Variants in DSC2 observed in about 807,000 individuals in gnomAD.
DSC2 encodes the protein desmocollin-2.
In DSC2, 51 loss-of-function variants were observed where a neutral mutation model predicts 87.6. That is an observed-to-expected ratio of 0.58 (90% CI 0.46 to 0.74). The LOEUF is 0.74. Ranked by LOEUF, DSC2 falls within the 30% of genes least tolerant of loss-of-function variation. The pLI is 0.00. For missense variants in DSC2, 1,066 were observed against 1,089.5 expected (o/e 0.98, Z 0.30); for synonymous variants, 383 against 393.2 (o/e 0.97, Z 0.31).
intron 2 of DSC2, 33 bp downstream of exon 2, chr18:31,093,526 C>T: frequency 2.6e-6 from 4 of 1,542,774 alleles, no homozygotes; most frequent in Non-Finnish European, 2.7e-6. Flanking sequence ...CACAGCAAAA[C>T]AGGATTTATT....
chr18:31,084,867 G>A (rs1312296823), intron 7 of DSC2, among the ~76,000 whole-genome samples: 1 of 152,034 alleles, frequency 6.6e-6, no homozygotes. Context: ...TGATATCAAT[G>A]GAAGTAAAGA....
At position 31,074,721 on chromosome 18, in the gene DSC2, G is replaced by A; in HGVS notation, c.1850C>T (p.Ser617Leu). 6.2e-7 allele frequency: 1 copy of A among 1,613,766 alleles called. No individual in the cohort carries two copies. The highest frequency in any genetic ancestry group is 8.5e-7 in the Non-Finnish European group (1 of 1,179,926). The change falls in exon 12 of 16, where the codon TCA (serine) becomes TTA (leucine). Residue 617 changes from serine (S) to leucine (L), a missense_variant. Transcript: ENST00000280904. ...PFDFSLESSTSEVQRMWRLKA... is the reference protein window; with the variant it reads ...PFDFSLESSTLEVQRMWRLKA... ...CAGTCTCCACATTCTCTGTACTTCT[G>A]AAGTAGAACTCTCCAGACTAAAGTC...
intron 11 of DSC2, among the ~76,000 whole-genome samples, chr18:31,078,190 T>C (rs573268998): frequency 3.0e-4 from 45 of 152,306 alleles, no homozygotes; most frequent in African/African-American, 1.1e-3. Flanking sequence ...TTAGCCAGTA[T>C]AGATTTTAGA....
At position 31,068,172 on chromosome 18, in the gene DSC2, G is replaced by GA. The variant is rs1337061240; in HGVS notation, c.2548_2549insT (p.Ala850ValfsTer9). The GA allele has an allele frequency of 4.3e-6, 7 of 1,613,882 alleles. No individual in the cohort carries two copies. The highest frequency in any genetic ancestry group is 5.9e-6 in the Non-Finnish European group (7 of 1,180,000). On this transcript the variant is annotated frameshift_variant, in exon 16 of 16. Coordinates refer to ENST00000280904, the MANE Select transcript of DSC2 (RefSeq NM_024422.6). LOFTEE classifies it high-confidence loss of function. Reference sequence around the variant, plus strand: ...GTTATATGTCAGGACATAGTCTTGGGCATGCTTGTGATTTTCATCTTGATT... The same window carrying GA: ...GTTATATGTCAGGACATAGTCTTGGGACATGCTTGTGATTTTCATCTTGATT...
chr18:31,069,255 G>A, intron 14 of DSC2, 104 bp from the exon 15 acceptor site: 1 of 1,403,642 alleles, frequency 7.1e-7, no homozygotes, highest in Non-Finnish European at 9.8e-7. Context: ...GTGTATGCTA[G>A]AAGGTAAGCT....
Position 31,071,784 on chromosome 18 carries a change from G to A in DSC2, c.1946C>T (p.Pro649Leu), listed in dbSNP as rs765948147. The change falls in exon 13 of 16, where the codon CCT becomes CTT. Residue 649 changes from proline to leucine, a missense_variant. By Grantham distance (98) the Pro-to-Leu change is moderately conservative. Transcript: ENST00000280904. ...NDPPFGSYVV[P>L]ITVRDRLGMS... ...GCCAAGTCTATCTCTCACTGTTATA[G>A]GTACTACATATGAGCCAAATGGAGG... The A allele has an allele frequency of 3.1e-6, 5 of 1,613,966 alleles. No individual in the cohort carries two copies. The highest frequency in any genetic ancestry group is 4.2e-6 in the Non-Finnish European group (5 of 1,179,964).
chr18:31,100,679 A>G (rs1987912037), intron 1 of DSC2, among the ~76,000 whole-genome samples: 1 of 152,186 alleles, frequency 6.6e-6, no homozygotes, highest in South Asian at 2.1e-4. Flanking sequence ...GTGAGAGCGG[A>G]AGAGAAGGGG....
Position 31,082,926 on chromosome 18 carries a change from A to C in DSC2, c.1077T>G (p.Ser359=), listed in dbSNP as rs1292043262. ...NDHLPTFTRT[S]YVTSVEENTV... is the part of the protein sequence containing the mutation. ...TCTTTAATTAATATCATACACTTAC[A>C]GAAGTACGAGTAAATGTTGGCAAGT... is the stretch of plus-strand genomic sequence containing the variant. The change falls in exon 8 of 16, where the codon TCT becomes TCG. Residue 359 remains serine, a splice_region_variant and synonymous_variant. Coordinates refer to ENST00000280904, the MANE Select transcript of DSC2 (RefSeq NM_024422.6). The C allele has an allele frequency of 6.2e-7, 1 of 1,613,164 alleles. No homozygotes were observed.
chr18:31,080,561 G>A (rs372100100), intron 9 of DSC2, among the ~76,000 whole-genome samples: 1 of 152,148 alleles, frequency 6.6e-6, no homozygotes, highest in East Asian at 1.9e-4. Context: ...GTTGGGGGAG[G>A]GACCTGAGGG....
rs1986532438 is a variant in DSC2, at chr18:31,063,098, G to C, written c.*4917C>G. Reference sequence around the variant, plus strand: ...TAATCCCAGCACTTTGGGAGGCCAAGTGCTGACAGATCACTTGAGGTCAGG... The same window carrying C: ...TAATCCCAGCACTTTGGGAGGCCAACTGCTGACAGATCACTTGAGGTCAGG... On this transcript the variant is annotated 3_prime_UTR_variant, in exon 16 of 16. Transcript: ENST00000280904. 1 of 152,250 alleles carries C rather than the reference G, an allele frequency of 6.6e-6. No homozygotes were observed. The highest frequency in any genetic ancestry group is 2.1e-4 in the South Asian group (1 of 4,820). 9.4% of individuals were successfully genotyped at this position (152,250 alleles called of 1,614,324 possible). A position where few individuals can be genotyped will look rare whatever the true frequency, so the allele number is the denominator to read the frequency against.
intron 5 of DSC2, 49 bp from the exon 6 acceptor site, chr18:31,087,862 T>C (rs1987458405): frequency 1.3e-6 from 2 of 1,596,364 alleles, no homozygotes; most frequent in African/African-American, 2.7e-5. Context: ...TCTTTTAAAA[T>C]GAGGTATGCT....
At chr18:31,090,013 T>C (rs1455133871) in intron 4 of DSC2, among the ~76,000 whole-genome samples, 1 of 152,136 alleles carries the variant, frequency 6.6e-6, no homozygotes, top group Non-Finnish European at 1.5e-5. Context: ...AGGGCAAAAA[T>C]GTGGACAATA....
At position 31,068,134 on chromosome 18, in the gene DSC2, C is replaced by T. The variant is rs147109895; in HGVS notation, c.2587G>A (p.Gly863Arg). The change falls in exon 16 of 16, where the codon GGA (glycine) becomes AGA (arginine). Residue 863 changes from glycine to arginine, a missense_variant. Physicochemically the swap from Gly to Arg is moderately radical, Grantham distance 125. Coordinates refer to ENST00000280904, the MANE Select transcript of DSC2 (RefSeq NM_024422.6). Reference protein sequence around the residue: ...YVLTYNYEGRGSVAGSVGCCS... With the variant: ...YVLTYNYEGRRSVAGSVGCCS... ...CAACCTACAGACCCAGCCACCGATC[C>T]TCTTCCTTCATAGTTATATGTCAGG... is the stretch of plus-strand genomic sequence containing the variant. The T allele has an allele frequency of 5.6e-4, 896 of 1,614,050 alleles. 1 individual carries two copies. The highest frequency in any genetic ancestry group is 6.6e-4 in the Non-Finnish European group (782 of 1,180,002).
At chr18:31,099,055 CA>C (rs1987852050) in intron 1 of DSC2, among the ~76,000 whole-genome samples, 1 of 152,178 alleles carries the variant, frequency 6.6e-6, no homozygotes, top group African/African-American at 2.4e-5. Context: ...AAAAGAAAAA[CA>C]ACATTGTTTG....
intron 1 of DSC2, among the ~76,000 whole-genome samples, chr18:31,100,599 C>G (rs1459139958): frequency 6.6e-6 from 1 of 152,134 alleles, no homozygotes; most frequent in Non-Finnish European, 1.5e-5. Flanking sequence ...TTGAGCTCCT[C>G]GAGAAAGACA....
At chr18:31,100,127 A>C (rs1362913191) in intron 1 of DSC2, among the ~76,000 whole-genome samples, 1 of 152,250 alleles carries the variant, frequency 6.6e-6, no homozygotes, top group Admixed American at 6.5e-5. Context: ...TGAGGTTGGC[A>C]GGGCTTTGCA....
At chr18:31,100,496 G>A (rs1043914325) in intron 1 of DSC2, among the ~76,000 whole-genome samples, 1 of 152,090 alleles carries the variant, frequency 6.6e-6, no homozygotes, top group Non-Finnish European at 1.5e-5. Context: ...TCCATTCTTG[G>A]TTTCCTCATC....
Position 31,070,856 on chromosome 18 carries a change from G to A in DSC2, c.2126-6C>T. On this transcript the variant is annotated splice_polypyrimidine_tract_variant and splice_region_variant and intron_variant, in intron 13 of 15. Transcript: ENST00000280904. ...GACCAGCGTAAACAGGATGCCTGGA[G>A]GAAGAAAGAAATATACTTGAGTTTA... The A allele has an allele frequency of 6.2e-7, 1 of 1,613,436 alleles. No individual in the cohort carries two copies. The highest frequency in any genetic ancestry group is 8.5e-7 in the Non-Finnish European group (1 of 1,179,630).
At chr18:31,078,687 T>C (rs1403316585) in intron 11 of DSC2, among the ~76,000 whole-genome samples, 1 of 152,142 alleles carries the variant, frequency 6.6e-6, no homozygotes, top group Non-Finnish European at 1.5e-5. Context: ...ACTTCAGCAA[T>C]TTAACAAACT....
Sources: allele counts gnomAD v4.1 joint callset (sites outside exome capture counted in the v4.1 genomes callset), GRCh38; gene constraint gnomAD v4.1.1; transcripts MANE v1.5; gene names NCBI Gene and HGNC (gene_info 2026-07-23, HGNC 2026-07-21).